The following SBNO2 variants were observed in gnomAD, a reference collection of about 807,000 sequenced individuals.
The protein encoded by SBNO2 is protein strawberry notch homolog 2.
In SBNO2, 89 loss-of-function variants were observed where a neutral mutation model predicts 146.3. The observed-to-expected ratio is 0.61, with a 90% CI of 0.51 to 0.73. SBNO2 has a LOEUF of 0.73. Among genes scored for constraint, SBNO2 ranks in the 30% least tolerant of loss-of-function variants. The pLI, the probability that SBNO2 is intolerant of heterozygous loss-of-function variation, is 0.00. For missense variants in SBNO2, 2,092 were observed against 2,003.7 expected, an observed-to-expected ratio of 1.04 and a Z score of -0.84; for synonymous variants, 1,147 against 892.6, an observed-to-expected ratio of 1.29 and a Z score of -5.08.
In SBNO2 at chr19:1,169,933, G is replaced by A. The variant is rs191826497; in HGVS notation, c.-127+4239C>T. The stretch of plus-strand genomic sequence containing the variant: ...TGTCCCCAACAGCAGTCACTCCCCC[G>A]CCTCTACAGCCCCTGCAACCACACG... On this transcript the variant is annotated intron_variant, in intron 1 of 31. Coordinates refer to ENST00000361757, the MANE Select transcript of SBNO2 (RefSeq NM_014963.3). Among the ~76,000 whole-genome samples the A allele has an allele frequency of 8.3e-4, 126 of 152,010 alleles. 1 individual carries two copies. Among genetic ancestry groups the A allele is most frequent in the African/African-American group, 2.8e-3 (117 of 41,454 alleles).
In SBNO2 at chr19:1,123,042, T is replaced by C; in HGVS notation, c.632A>G (p.Lys211Arg). ...GCGGTCTGGGTGCTGCTTCCCGATC[T>C]TGGCTGGAGGAGCAAGGACGGAGGG... Reference protein sequence around the residue: ...TYADYVPSKSKIGKQHPDRVV... With the variant: ...TYADYVPSKSRIGKQHPDRVV... The change falls in exon 8 of 32, where the codon AAG becomes AGG. Residue 211 changes from lysine (K) to arginine (R), a missense_variant. By Grantham distance (26) the Lys-to-Arg change is conservative. Coordinates refer to ENST00000361757, the MANE Select transcript of SBNO2 (RefSeq NM_014963.3). 2 of 1,592,894 alleles carry C rather than the reference T, an allele frequency of 1.3e-6. No individual in the cohort carries two copies. The highest frequency in any genetic ancestry group is 1.3e-5 in the African/African-American group (1 of 74,630).
chr19:1,108,435 C>T lies in SBNO2; in HGVS notation c.3886G>A (p.Ala1296Thr), dbSNP rs573472937. Residue 1296 changes from alanine to threonine, a missense_variant, in exon 32 of 32, where the codon GCC (alanine) becomes ACC (threonine). Physicochemically the swap from Ala to Thr is moderately conservative, Grantham distance 58. Transcript: ENST00000361757. ...GCGAGGGCCGCAGGGTCGGCCTGGG[C>T]GTCGGGGGTGCCCAGCGGCACGACG... Reference protein sequence around the residue: ...PGVVPLGTPDAQADPAALAHQ... With the variant: ...PGVVPLGTPDTQADPAALAHQ... The T allele has an allele frequency of 9.3e-5, 116 of 1,251,578 alleles. 1 individual carries two copies. In the South Asian group the frequency reaches 1.9e-3, roughly 21 times the overall value. 77.5% of individuals were successfully genotyped at this position (1,251,578 alleles called of 1,614,324 possible).
At position 1,127,628 on chromosome 19, in the gene SBNO2, G is replaced by T. The variant is rs377154278; in HGVS notation, c.417C>A (p.Asn139Lys). ...LNQVSTIWDD[N>K]PAPSTHDKLF... ...CCTTATCGTGGGTGGAGGGGGCAGG[G>T]TTATCGTCCCAGATGGTGGACACCT... is the stretch of plus-strand genomic sequence containing the variant. Residue 139 changes from asparagine (N) to lysine (K), a missense_variant, in exon 5 of 32, where the codon AAC becomes AAA. By Grantham distance (94) the Asn-to-Lys change is moderately conservative. Coordinates refer to ENST00000361757, the MANE Select transcript of SBNO2 (RefSeq NM_014963.3). 8.7e-6 allele frequency: 14 copies of T among 1,613,104 alleles called. No individual in the cohort carries two copies. Among genetic ancestry groups the T allele is most frequent in the East Asian group, 2.2e-5 (1 of 44,892 alleles).
At chr19:1,117,056 C>T (rs1371522363) in intron 15 of SBNO2, 130 bp from the exon 16 acceptor site, 1 of 895,722 alleles carries the variant, frequency 1.1e-6, no homozygotes, top group Non-Finnish European at 1.7e-6. Flanking sequence ...CAGGAGGGGC[C>T]ACGGCCCCCC....
chr19:1,127,982 T>G (rs2074919), intron 4 of SBNO2, among the ~76,000 whole-genome samples: 27,972 of 151,748 alleles, frequency 0.18, 3,162 homozygotes, highest in Admixed American at 0.28. Context: ...CCCAGCTAAT[T>G]TTTTTGTATT....
At position 1,108,804 on chromosome 19, in the gene SBNO2, C is replaced by T. The variant is rs750326734; in HGVS notation, c.3591G>A (p.Lys1197=). Residue 1197 remains lysine (K), a synonymous_variant, in exon 31 of 32, where the codon AAG becomes AAA. Transcript: ENST00000361757. ...CCACTTGCTTCTTCCTGTCCTTGGT[C>T]TTCAGCCGCACGATCTGCAGGTAGC... is the stretch of plus-strand genomic sequence containing the variant. ...SSSYLQIVRL[K]TKDRKKQVGI... 13 of 1,603,170 alleles carry T rather than the reference C, an allele frequency of 8.1e-6. No homozygotes were observed. The African/African-American group carries it at 1.2e-4, about 15-fold the overall frequency.
chr19:1,147,233 G>C (rs763299789), intron 4 of SBNO2, 76 bp downstream of exon 4: 133 of 997,570 alleles, frequency 1.3e-4, no homozygotes, highest in Non-Finnish European at 1.8e-4. Flanking sequence ...GAGCGAGAGA[G>C]GTCGCAGGGC....
At chr19:1,119,447 G>C in intron 13 of SBNO2, 69 bp downstream of exon 13, 1 of 1,257,586 alleles carries the variant, frequency 8.0e-7, no homozygotes, top group South Asian at 1.3e-5. Context: ...GCCAGGCCTT[G>C]GGCTGATGGG....
chr19:1,159,853 C>T (rs2080327914), intron 1 of SBNO2, among the ~76,000 whole-genome samples: 1 of 151,846 alleles, frequency 6.6e-6, no homozygotes, highest in South Asian at 2.1e-4. Flanking sequence ...CCGTGAGGTT[C>T]CCCTACTCCT....
chr19:1,167,965 C>T (rs553836293), intron 1 of SBNO2, among the ~76,000 whole-genome samples: 6 of 152,312 alleles, frequency 3.9e-5, no homozygotes, highest in Non-Finnish European at 8.8e-5. Flanking sequence ...AACCTCCCCA[C>T]CCCTCCCACA....
chr19:1,108,861 G>C lies in SBNO2; in HGVS notation c.3534C>G (p.Ile1178Met). 2 of 1,595,666 alleles carry C rather than the reference G, an allele frequency of 1.3e-6. No homozygotes were observed. Among genetic ancestry groups the C allele is most frequent in the Non-Finnish European group, 1.7e-6 (2 of 1,177,172 alleles). ...CGALLRVWGR[I>M]AAVMADVSSS... The stretch of plus-strand genomic sequence containing the variant: ...TGCTGACGTCGGCCATGACGGCGGC[G>C]ATGCGGCCCCACACGCGCAGCAGCG... Residue 1178 changes from isoleucine to methionine, a missense_variant, in exon 31 of 32, where the codon ATC (isoleucine) becomes ATG (methionine). Ile to Met is a conservative substitution (Grantham distance 10). Transcript: ENST00000361757.
intron 11 of SBNO2, among the ~76,000 whole-genome samples, chr19:1,120,379 T>C (rs1387532544): frequency 6.6e-6 from 1 of 152,178 alleles, no homozygotes; most frequent in Admixed American, 6.5e-5. Context: ...TTTTGTTTGT[T>C]TTTTTGAGAC....
chr19:1,123,576 G>C lies in SBNO2; in HGVS notation c.586C>G (p.Leu196Val). The part of the protein sequence containing the change: ...DEAEEEEAEE[L>V]GHTETYADYV... ...TCGGCGTAGGTCTCTGTGTGCCCCA[G>C]CTCCTCCGCCTCCTCCTCCTCAGCC... The change falls in exon 7 of 32, where the codon CTG becomes GTG. Residue 196 changes from leucine (L) to valine (V), a missense_variant. Coordinates refer to ENST00000361757, the MANE Select transcript of SBNO2 (RefSeq NM_014963.3). 1.2e-6 allele frequency: 2 copies of C among 1,613,578 alleles called. No homozygotes were observed. Among genetic ancestry groups the C allele is most frequent in the Non-Finnish European group, 1.7e-6 (2 of 1,179,802 alleles).
At chr19:1,161,680 C>T (rs966938824) in intron 1 of SBNO2, among the ~76,000 whole-genome samples, 2 of 152,010 alleles carry the variant, frequency 1.3e-5, no homozygotes, top group South Asian at 4.2e-4. Context: ...ACGGCCACGT[C>T]ATACTACGCT....
chr19:1,108,236 G>A lies in SBNO2; in HGVS notation c.4085C>T (p.Ala1362Val). 6.5e-7 allele frequency: 1 copy of A among 1,527,430 alleles called. No homozygotes were observed. The highest frequency in any genetic ancestry group is 2.0e-5 in the Admixed American group (1 of 50,046). 94.6% of individuals were successfully genotyped at this position (1,527,430 alleles called of 1,614,324 possible). The part of the protein sequence containing the change: ...VIQFSPPFPG[A>V]QAPL ...AAAGGCGTGTCAGAGAGGAGCCTGG[G>A]CGCCGGGGAAGGGTGGGCTGAACTG... Residue 1362 changes from alanine (A) to valine (V), a missense_variant, in exon 32 of 32, where the codon GCC (alanine) becomes GTC (valine). By Grantham distance (64) the Ala-to-Val change is moderately conservative. Transcript: ENST00000361757.
At chr19:1,164,837 G>C (rs909894185) in intron 1 of SBNO2, among the ~76,000 whole-genome samples, 1 of 96,068 alleles carries the variant, frequency 1.0e-5, no homozygotes, top group Non-Finnish European at 2.2e-5. Context: ...GGAGGAACAG[G>C]AGGAGGAGGA....
intron 19 of SBNO2, among the ~76,000 whole-genome samples, chr19:1,113,196 G>A (rs555811561): frequency 1.3e-5 from 2 of 152,312 alleles, no homozygotes; most frequent in Admixed American, 1.3e-4. Context: ...GGGGCAGGGA[G>A]TAGGAGGCCG....
chr19:1,151,152 T>C (rs2080238772), intron 2 of SBNO2, among the ~76,000 whole-genome samples: 1 of 152,240 alleles, frequency 6.6e-6, no homozygotes, highest in Admixed American at 6.5e-5. Flanking sequence ...CCCAAGGCCA[T>C]GTGGCACATC....
Position 1,157,015 on chromosome 19 carries a change from G to T in SBNO2, c.-126-2613C>A, listed in dbSNP as rs1183376442. ...TTCCGCCCACTGCCAGCCCCCCATC[G>T]CCTCCCACCCTGTCCTCGGCCATAT... On this transcript the variant is annotated intron_variant, in intron 1 of 31. Transcript: ENST00000361757. The surrounding 1 kb of genome is among the most constrained non-coding windows in gnomAD (Gnocchi z 6.8). 1.3e-5 allele frequency among the ~76,000 whole-genome samples: 2 copies of T among 151,000 alleles called. No individual in the cohort carries two copies. Among genetic ancestry groups the T allele is most frequent in the Non-Finnish European group, 3.0e-5 (2 of 67,752 alleles).
Sources: gnomAD v4.1 joint callset for allele counts (sites outside exome capture counted in the v4.1 genomes callset) on GRCh38, gnomAD v4.1.1 for gene constraint, Gnocchi (gnomAD v3.1) non-coding constraint, MANE v1.5 for transcripts, NCBI Gene and HGNC (gene_info 2026-07-23, HGNC 2026-07-21) for gene names.